Variants in GABRA3 observed in about 807,000 individuals in gnomAD.
The protein encoded by GABRA3 is gamma-aminobutyric acid receptor subunit alpha-3.
GABRA3 carries 10 observed loss-of-function variants against 30.1 expected under a neutral mutation model. The observed-to-expected ratio is 0.33, with a 90% CI of 0.20 to 0.56. The LOEUF (loss-of-function observed/expected upper bound fraction) is 0.56. GABRA3 is among the 20% of genes least tolerant of loss of function. The probability of loss-of-function intolerance (pLI) is 0.89; values close to 1 mark genes in which losing one functional copy is unlikely to be tolerated. For missense variants in GABRA3, 233 were observed against 392.0 expected, an observed-to-expected ratio of 0.59 and a Z score of 3.42; for synonymous variants, 151 against 146.8, an observed-to-expected ratio of 1.03 and a Z score of -0.21.
At chrX:152,287,249 G>A (rs1304620574) in intron 3 of GABRA3, among the ~76,000 whole-genome samples, 2 of 111,774 alleles carry the variant, frequency 1.8e-5, no homozygotes, top group Admixed American at 9.5e-5. Flanking sequence ...GATAAGAAGA[G>A]AGATAGTAGG....
intron 5 of GABRA3, among the ~76,000 whole-genome samples, chrX:152,239,456 A>C (rs1190561854): frequency 3.1e-4 from 30 of 97,092 alleles, no homozygotes; most frequent in Middle Eastern, 5.1e-3. Context: ...GGTGCTGAAA[A>C]AAATGTATAT....
intron 5 of GABRA3, among the ~76,000 whole-genome samples, chrX:152,246,144 C>A (rs962442615): frequency 7.2e-5 from 8 of 111,580 alleles, no homozygotes; most frequent in African/African-American, 2.6e-4. Flanking sequence ...TTAATTCCTT[C>A]TCTGATGTTT....
chrX:152,228,723 T>C (rs998878365), intron 5 of GABRA3, among the ~76,000 whole-genome samples: 1 of 111,433 alleles, frequency 9.0e-6, no homozygotes, highest in Non-Finnish European at 1.9e-5. Flanking sequence ...GGTGGAGCAT[T>C]GCAGGCTAGC....
intron 3 of GABRA3, among the ~76,000 whole-genome samples, chrX:152,298,832 G>C (rs2124451406): frequency 8.9e-6 from 1 of 112,062 alleles, no homozygotes; most frequent in Non-Finnish European, 1.9e-5. Context: ...CTAGTTTACA[G>C]TCCCACCAAC....
At chrX:152,442,763 T>A (rs992781441) in intron 1 of GABRA3, among the ~76,000 whole-genome samples, 10 of 112,272 alleles carry the variant, frequency 8.9e-5, no homozygotes, top group Non-Finnish European at 1.9e-5. Context: ...TTGTATATAT[T>A]ACAGAACAGT....
intron 1 of GABRA3, among the ~76,000 whole-genome samples, chrX:152,374,544 G>A (rs187515879): frequency 1.8e-5 from 2 of 109,622 alleles, no homozygotes; most frequent in Admixed American, 1.9e-4. Context: ...TAGAGATAGG[G>A]TTTCACTGTG....
At chrX:152,373,307 C>T (rs1008246303) in intron 1 of GABRA3, among the ~76,000 whole-genome samples, 1 of 111,003 alleles carries the variant, frequency 9.0e-6, no homozygotes, top group African/African-American at 3.3e-5. Flanking sequence ...TGGAGAGGCC[C>T]CAGTGTATAT....
intron 1 of GABRA3, among the ~76,000 whole-genome samples, chrX:152,382,506 A>G (rs1189957318): frequency 8.9e-6 from 1 of 112,404 alleles, no homozygotes; most frequent in African/African-American, 3.2e-5. Flanking sequence ...TTTGCTGTGC[A>G]GAGACTTTTT....
At chrX:152,314,517 C>T (rs1939843840) in intron 3 of GABRA3, among the ~76,000 whole-genome samples, 1 of 112,345 alleles carries the variant, frequency 8.9e-6, no homozygotes, top group African/African-American at 3.2e-5. Flanking sequence ...ATAATTCCCA[C>T]ATGATCTGGC....
At chrX:152,302,901 G>T (rs1053962238) in intron 3 of GABRA3, among the ~76,000 whole-genome samples, 1 of 111,581 alleles carries the variant, frequency 9.0e-6, no homozygotes, top group Non-Finnish European at 1.9e-5. Flanking sequence ...TTGCTGCAAA[G>T]GACATGATTT....
chrX:152,412,757 T>C (rs1218247080), intron 1 of GABRA3, among the ~76,000 whole-genome samples: 1 of 111,267 alleles, frequency 9.0e-6, no homozygotes, highest in Non-Finnish European at 1.9e-5. Flanking sequence ...ACTTTTGGGA[T>C]GACAAAGTGT....
intron 3 of GABRA3, among the ~76,000 whole-genome samples, chrX:152,327,172 C>T (rs918047804): frequency 9.0e-6 from 1 of 111,070 alleles, no homozygotes; most frequent in African/African-American, 3.3e-5. Context: ...TATATATGCA[C>T]CCAATACAGG....
intron 2 of GABRA3, among the ~76,000 whole-genome samples, chrX:152,360,175 T>C (rs1928439333): frequency 1.2e-5 from 1 of 83,633 alleles, no homozygotes; most frequent in African/African-American, 4.5e-5. Context: ...CCTTTGGGTA[T>C]ATACCCAGTA....
At chrX:152,317,686 C>T (rs764800993) in intron 3 of GABRA3, among the ~76,000 whole-genome samples, 132 of 111,948 alleles carry the variant, frequency 1.2e-3, no homozygotes, top group Non-Finnish European at 1.7e-3. Flanking sequence ...CATGCTAATA[C>T]ATGGAAATTG....
rs1569378145 is a variant in GABRA3 at position 152,275,199 on chromosome X, TTTATATATATAATA to T, written c.330+9455_330+9468del. 2.3e-3 allele frequency among the ~76,000 whole-genome samples: 151 copies of T among 65,846 alleles called. 4 individuals are homozygous for T. The highest frequency in any genetic ancestry group is 0.01 in the African/African-American group (143 of 13,945). 57.2% of individuals were successfully genotyped at this position (65,846 alleles called of 115,157 possible). A position where few individuals can be genotyped will look rare whatever the true frequency, so the allele number is the denominator to read the frequency against. ...TATATATTTAATATTATATATATAA[TTTATATATATAATA>T]TTATATATATATAATTTATATATAT... On this transcript the variant is annotated intron_variant, in intron 4 of 9. Coordinates refer to ENST00000370314, the MANE Select transcript of GABRA3 (RefSeq NM_000808.4).
intron 4 of GABRA3, among the ~76,000 whole-genome samples, chrX:152,275,467 A>ATATATATTTAAATATTTATTT (rs1392945978): frequency 9.4e-6 from 1 of 106,334 alleles, no homozygotes; most frequent in African/African-American, 3.4e-5. Flanking sequence ...TAAATATCAA[A>ATATATATTTAAATATTTATTT]TAAATAGAGC....
intron 2 of GABRA3, among the ~76,000 whole-genome samples, chrX:152,355,551 C>T (rs1194083047): frequency 9.0e-6 from 1 of 111,348 alleles, no homozygotes; most frequent in African/African-American, 3.3e-5. Context: ...ACCTTAGGTT[C>T]TTACTCTATT....
chrX:152,214,481 T>G (rs944811559), intron 6 of GABRA3, among the ~76,000 whole-genome samples: 9 of 111,366 alleles, frequency 8.1e-5, no homozygotes, highest in Non-Finnish European at 1.5e-4. Flanking sequence ...TTACTATAGC[T>G]TCGTGGTATA....
In GABRA3 at chrX:152,291,234, T is replaced by C. The variant is rs372669298; in HGVS notation, c.263-6499A>G. ...TCTCCTTGAAGAGGTCCTTCACATC[T>C]CTTGTAAGTTGGATTCCTAGGTATT... On this transcript the variant is annotated intron_variant, in intron 3 of 9. Coordinates refer to ENST00000370314, the MANE Select transcript of GABRA3 (RefSeq NM_000808.4). Among the ~76,000 whole-genome samples the C allele has an allele frequency of 3.7e-3, 414 of 111,656 alleles. 1 individual carries two copies. Among genetic ancestry groups the C allele is most frequent in the Non-Finnish European group, 6.1e-3 (323 of 53,088 alleles).
Sources: gnomAD v4.1 joint callset for allele counts (sites outside exome capture counted in the v4.1 genomes callset) on GRCh38, gnomAD v4.1.1 for gene constraint, MANE v1.5 for transcripts, NCBI Gene and HGNC (gene_info 2026-07-23, HGNC 2026-07-21) for gene names.